GIT1: variants seen among roughly 807,000 people sequenced by gnomAD.
GIT1 encodes GIT ArfGAP 1.
A neutral mutation model predicts 91.7 loss-of-function variants in GIT1; 14 were observed. That is an observed-to-expected ratio of 0.15 (90% confidence interval 0.10 to 0.24). The LOEUF (loss-of-function observed/expected upper bound fraction) is 0.24, where lower values mean the gene tolerates loss of function less well. Among genes scored for constraint, GIT1 ranks in the 10% least tolerant of loss-of-function variants. The pLI is 1.00. For missense variants in GIT1, 717 were observed against 1,024.9 expected (o/e 0.70, Z 4.10); for synonymous variants, 414 against 418.2 (o/e 0.99, Z 0.12).
chr17:29,583,633 A>G lies in GIT1; in HGVS notation c.53-17T>C. The G allele has an allele frequency of 6.4e-7, 1 of 1,568,026 alleles. No homozygotes were observed. The highest frequency in any genetic ancestry group is 2.4e-5 in the East Asian group (1 of 42,506). Reference sequence around the variant, plus strand: ...AGCCAGGGTCTGCCAGGGTGAGGGCAAGGGTCAGCCGGAGCCAGATGATGG... The same window carrying G: ...AGCCAGGGTCTGCCAGGGTGAGGGCGAGGGTCAGCCGGAGCCAGATGATGG... On this transcript the variant is annotated splice_polypyrimidine_tract_variant and intron_variant, in intron 1 of 19. Transcript: ENST00000225394.
Position 29,583,128 on chromosome 17 carries a change from G to A in GIT1, c.187-91C>T, listed in dbSNP as rs1023472306. ...CTGAGCGCCTGCTGTGGCTGGCGTAGCTGGAAACGGTACCAAGGGGGCCTA... is the reference window on the plus strand; with the variant it reads ...CTGAGCGCCTGCTGTGGCTGGCGTAACTGGAAACGGTACCAAGGGGGCCTA... On this transcript the variant is annotated intron_variant, in intron 2 of 19. Coordinates refer to ENST00000225394, the MANE Select transcript of GIT1 (RefSeq NM_014030.4). The A allele has an allele frequency of 4.7e-6, 4 of 855,572 alleles. No homozygotes were observed. In the Admixed American group the frequency reaches 7.7e-5, roughly 16 times the overall value. The allele number at this position is 855,572 out of a possible 1,614,324, so 53.0% of individuals were successfully genotyped here.
In GIT1 at chr17:29,578,313, C is replaced by G. The variant is rs767397404; in HGVS notation, c.869G>C (p.Arg290Thr). The G allele has an allele frequency of 6.2e-7, 1 of 1,614,068 alleles. No individual in the cohort carries two copies. Among genetic ancestry groups the G allele is most frequent in the Non-Finnish European group, 8.5e-7 (1 of 1,179,922 alleles). ...CCCTGACTCACCTGCATCATTTTCT[C>G]TTCGATCCACCTCGTCATACACGTC... ...AMDVYDEVDR[R>T]ENDAVWLATQ... Residue 290 changes from arginine (R) to threonine (T), a missense_variant, in exon 9 of 20, where the codon AGA (arginine) becomes ACA (threonine). By Grantham distance (71) the Arg-to-Thr change is moderately conservative (BLOSUM62 -1). Transcript: ENST00000225394.
At position 29,583,050 on chromosome 17, in the gene GIT1, G is replaced by A. The variant is rs1303897336; in HGVS notation, c.187-13C>T. On this transcript the variant is annotated splice_polypyrimidine_tract_variant and intron_variant, in intron 2 of 19. Coordinates refer to ENST00000225394, the MANE Select transcript of GIT1 (RefSeq NM_014030.4). ...GCGTGTGCACCATCTGCAGGGAAGA[G>A]ATGCCAAGTGAGAGAGTGCCCACTG... The A allele has an allele frequency of 2.6e-6, 4 of 1,535,508 alleles. No individual in the cohort carries two copies. Among genetic ancestry groups the A allele is most frequent in the Non-Finnish European group, 3.6e-6 (4 of 1,112,820 alleles).
chr17:29,583,551 T>G lies in GIT1; in HGVS notation c.118A>C (p.Ser40Arg), dbSNP rs2033477096. ...ACAATGGAGATGTGGCGTCCCAGGC[T>G]CCGGTGCACGCTGCAGCACTCGTCA... ...VCDECCSVHR[S>R]LGRHISIVKH... is the part of the protein sequence containing the mutation. Residue 40 changes from serine to arginine, a missense_variant, in exon 2 of 20, where the codon AGC (serine) becomes CGC (arginine). Around this residue, in one of 3 missense-constraint regions of GIT1, gnomAD observed 271 missense variants for 451.6 expected, o/e 0.60. Coordinates refer to ENST00000225394, the MANE Select transcript of GIT1 (RefSeq NM_014030.4). 2 of 1,611,532 alleles carry G rather than the reference T, an allele frequency of 1.2e-6. No individual in the cohort carries two copies. Among genetic ancestry groups the G allele is most frequent in the Non-Finnish European group, 1.7e-6 (2 of 1,179,744 alleles).
In GIT1 at chr17:29,589,128, C is replaced by G. The variant is rs2033710522; in HGVS notation, c.52+199G>C. ...TCCTTCCTCGCTAGTCCACGGCCTC[C>G]AGGGAGCATGGGCACCCCAGGCCGG... is the stretch of plus-strand genomic sequence containing the variant. On this transcript the variant is annotated intron_variant, in intron 1 of 19. Transcript: ENST00000225394. This position sits in a 1 kb window ranked among gnomAD's most constrained non-coding sequence, Gnocchi z 5.2. 6.6e-6 allele frequency among the ~76,000 whole-genome samples: 1 copy of G among 152,028 alleles called. No individual in the cohort carries two copies. The highest frequency in any genetic ancestry group is 2.4e-5 in the African/African-American group (1 of 41,428).
intron 7 of GIT1, chr17:29,580,994 G>A: frequency 6.4e-6 from 2 of 311,266 alleles, no homozygotes; most frequent in Non-Finnish European, 1.3e-5. Context: ...GGCCAGGCTA[G>A]TCTTGAACTC....
chr17:29,575,583 C>T lies in GIT1; in HGVS notation c.1826+47G>A, dbSNP rs779012963. ...ACACTGGGGGCCCTCTCAACCTCCC[C>T]GCCTCGGCATGTGAGCAGGCTGGAC... On this transcript the variant is annotated intron_variant, in intron 17 of 19. Transcript: ENST00000225394. This position sits in a 1 kb window ranked among gnomAD's most constrained non-coding sequence, Gnocchi z 5.5. The T allele has an allele frequency of 1.4e-5, 22 of 1,586,568 alleles. No individual in the cohort carries two copies. The highest frequency in any genetic ancestry group is 2.7e-5 in the African/African-American group (2 of 74,606).
At chr17:29,582,248 G>T (rs2033424169) in intron 4 of GIT1, 104 bp from the exon 5 acceptor site, 1 of 820,696 alleles carries the variant, frequency 1.2e-6, no homozygotes, top group Non-Finnish European at 2.0e-6. Context: ...CAGCTCCAAG[G>T]AGGCCTGCCC....
intron 2 of GIT1, 137 bp downstream of exon 2, chr17:29,583,346 C>T (rs1598576314): frequency 2.4e-6 from 2 of 837,700 alleles, no homozygotes; most frequent in Admixed American, 2.3e-5. Context: ...TCAGGATTAG[C>T]CTCTGCCCTA....
Position 29,589,507 on chromosome 17 carries a change from C to T in GIT1, c.-129G>A. ...AGGCCCCGGCGAGGCTCCGCGCGCCCGGCCAACCGTCCGCCCCGGGGCTGG... is the reference window on the plus strand; with the variant it reads ...AGGCCCCGGCGAGGCTCCGCGCGCCTGGCCAACCGTCCGCCCCGGGGCTGG... On this transcript the variant is annotated 5_prime_UTR_variant, in exon 1 of 20. Coordinates refer to ENST00000225394, the MANE Select transcript of GIT1 (RefSeq NM_014030.4). This position sits in a 1 kb window ranked among gnomAD's most constrained non-coding sequence, Gnocchi z 5.2. 4.4e-6 allele frequency: 1 copy of T among 225,646 alleles called. No homozygotes were observed. The highest frequency in any genetic ancestry group is 7.2e-6 in the Non-Finnish European group (1 of 138,398). The allele number at this position is 225,646 out of a possible 1,614,324, so 14.0% of individuals were successfully genotyped here. A position where few individuals can be genotyped will look rare whatever the true frequency, so the allele number is the denominator to read the frequency against.
At chr17:29,580,054 T>C (rs886806631) in intron 7 of GIT1, among the ~76,000 whole-genome samples, 3 of 152,124 alleles carry the variant, frequency 2.0e-5, no homozygotes, top group Non-Finnish European at 4.4e-5. Flanking sequence ...ATGCAGCATT[T>C]CTACCCTCCA....
At chr17:29,578,921 A>C (rs1310059167) in intron 7 of GIT1, 142 bp from the exon 8 acceptor site, 2 of 1,607,508 alleles carry the variant, frequency 1.2e-6, no homozygotes, top group African/African-American at 1.3e-5. Context: ...TCCCCGCCCT[A>C]CCCCACCTTC....
In GIT1 at chr17:29,576,947, G is replaced by A. The variant is rs568213866; in HGVS notation, c.1143C>T (p.His381=). 8.1e-6 allele frequency: 13 copies of A among 1,597,958 alleles called. No individual in the cohort carries two copies. The highest frequency in any genetic ancestry group is 1.6e-4 in the Middle Eastern group (1 of 6,070). The change falls in exon 12 of 20, where the codon CAC becomes CAT. Residue 381 remains histidine, a synonymous_variant. Transcript: ENST00000225394. ...CGTCAGAGGCCACGCTGTCGTAGTCGTGTTGGTCGTCGAGGTCACTCTGGC... is the reference window on the plus strand; with the variant it reads ...CGTCAGAGGCCACGCTGTCGTAGTCATGTTGGTCGTCGAGGTCACTCTGGC... ...LRSQSDLDDQ[H]DYDSVASDED...
Position 29,581,727 on chromosome 17 carries a change from C to A in GIT1, c.718+15G>T. 3 of 1,603,402 alleles carry A rather than the reference C, an allele frequency of 1.9e-6. No homozygotes were observed. Among genetic ancestry groups the A allele is most frequent in the Non-Finnish European group, 2.6e-6 (3 of 1,175,930 alleles). On this transcript the variant is annotated intron_variant, in intron 6 of 19. Coordinates refer to ENST00000225394, the MANE Select transcript of GIT1 (RefSeq NM_014030.4). The surrounding 1 kb of genome is among the most constrained non-coding windows in gnomAD (Gnocchi z 4.8). ...CAGGCCTGTCACAGCCAGGCGCCCCCCAAGCTCTGCTCACCCGGCTTGCGT... is the reference window on the plus strand; with the variant it reads ...CAGGCCTGTCACAGCCAGGCGCCCCACAAGCTCTGCTCACCCGGCTTGCGT...
Position 29,577,695 on chromosome 17 carries a change from C to T in GIT1, c.931G>A (p.Ala311Thr). 6.2e-7 allele frequency: 1 copy of T among 1,612,984 alleles called. No individual in the cohort carries two copies. Among genetic ancestry groups the T allele is most frequent in the Non-Finnish European group, 8.5e-7 (1 of 1,179,214 alleles). Residue 311 changes from alanine (A) to threonine (T), a missense_variant, in exon 10 of 20, where the codon GCC (alanine) becomes ACC (threonine). Physicochemically the swap from Ala to Thr is moderately conservative, Grantham distance 58. This residue lies in a region of GIT1 where 271 missense variants were observed against 451.6 expected (regional missense o/e 0.60). Coordinates refer to ENST00000225394, the MANE Select transcript of GIT1 (RefSeq NM_014030.4). The part of the protein sequence containing the change: ...NHSTLVTERS[A>T]VPFLPVNPEY... ...GGGTTAACAGGCAGGAAGGGCACGGCACTGCGCTCTGTCACCAGAGTGCTG... is the reference window on the plus strand; with the variant it reads ...GGGTTAACAGGCAGGAAGGGCACGGTACTGCGCTCTGTCACCAGAGTGCTG...
chr17:29,577,043 CAT>C (rs773266318), intron 11 of GIT1, 47 bp from the exon 12 acceptor site: 2 of 1,606,870 alleles, frequency 1.2e-6, no homozygotes, highest in African/African-American at 2.7e-5. Flanking sequence ...CCACACAACC[CAT>C]CTCTCAGGTC....
chr17:29,575,270 T>C lies in GIT1; in HGVS notation c.2009+18A>G. ...CAACAGGAACTGCATCCCCCTCACC[T>C]CCCCCTCCACTCAGTACCTGTCATG... On this transcript the variant is annotated intron_variant, in intron 18 of 19. Coordinates refer to ENST00000225394, the MANE Select transcript of GIT1 (RefSeq NM_014030.4). This position sits in a 1 kb window ranked among gnomAD's most constrained non-coding sequence, Gnocchi z 5.5. The C allele has an allele frequency of 6.3e-7, 1 of 1,595,588 alleles. No individual in the cohort carries two copies. The highest frequency in any genetic ancestry group is 8.6e-7 in the Non-Finnish European group (1 of 1,168,762).
intron 12 of GIT1, 78 bp downstream of exon 12, chr17:29,576,775 GCCCCTGGGCT>G (rs1411531874): frequency 3.8e-6 from 6 of 1,575,508 alleles, no homozygotes; most frequent in Non-Finnish European, 1.7e-6. Context: ...TGTCCCTCAG[GCCCCTGGGCT>G]ACAAGAGGAC....
In GIT1 at chr17:29,581,274, T is replaced by TG; in HGVS notation, c.761+63dup. ...CCTCTGAAACCTGGGCTGGGAGCTC[T>TG]GGGGGTCAGCCACCCACATGGCATC... On this transcript the variant is annotated intron_variant, in intron 7 of 19. Transcript: ENST00000225394. The surrounding 1 kb of genome is among the most constrained non-coding windows in gnomAD (Gnocchi z 4.8). 1 of 1,257,422 alleles carries TG rather than the reference T, an allele frequency of 8.0e-7. No individual in the cohort carries two copies. Among genetic ancestry groups the TG allele is most frequent in the Non-Finnish European group, 1.2e-6 (1 of 856,258 alleles). 77.9% of individuals were successfully genotyped at this position (1,257,422 alleles called of 1,614,324 possible). A position where few individuals can be genotyped will look rare whatever the true frequency, so the allele number is the denominator to read the frequency against.
Sources: gnomAD v4.1 joint callset for allele counts (sites outside exome capture counted in the v4.1 genomes callset) on GRCh38, gnomAD v4.1.1 for gene constraint, gnomAD v4.1.1 regional missense constraint, Gnocchi (gnomAD v3.1) non-coding constraint, MANE v1.5 for transcripts, NCBI Gene and HGNC (gene_info 2026-07-23, HGNC 2026-07-21) for gene names.